Variants in ZNF804B observed in about 807,000 individuals in gnomAD.
ZNF804B encodes the protein zinc finger protein 804B.
In ZNF804B, 80 loss-of-function variants were observed where a neutral mutation model predicts 101.4. That is an observed-to-expected ratio of 0.79 (90% CI 0.66 to 0.95). The LOEUF is 0.95. Ranked by LOEUF, ZNF804B falls within the 40% of genes least tolerant of loss-of-function variation. The pLI is 0.00. For synonymous variants in ZNF804B, 622 were observed against 558.8 expected (o/e 1.11, Z -1.59); for missense variants, 1,673 against 1,561.9 (o/e 1.07, Z -1.20).
chr7:89,256,883 A>C (rs1789639321), intron 2 of ZNF804B, among the ~76,000 whole-genome samples: 1 of 152,202 alleles, frequency 6.6e-6, no homozygotes, highest in Admixed American at 6.5e-5. Context: ...CACTTTCATA[A>C]CATCTGGTGG....
intron 1 of ZNF804B, among the ~76,000 whole-genome samples, chr7:89,112,892 A>G (rs1411614334): frequency 6.6e-6 from 1 of 152,202 alleles, no homozygotes; most frequent in Non-Finnish European, 1.5e-5. Flanking sequence ...GATGTTAGAT[A>G]TTTAGAATTT....
intron 2 of ZNF804B, among the ~76,000 whole-genome samples, chr7:89,238,481 C>T (rs947438908): frequency 6.6e-6 from 1 of 152,078 alleles, no homozygotes; most frequent in Non-Finnish European, 1.5e-5. Flanking sequence ...ATATTACATC[C>T]CACTGCATTT....
intron 1 of ZNF804B, among the ~76,000 whole-genome samples, chr7:89,138,778 G>T (rs1790673816): frequency 6.6e-6 from 1 of 152,036 alleles, no homozygotes; most frequent in Admixed American, 6.6e-5. Flanking sequence ...AGATCTGATG[G>T]CTTTATAAGG....
At chr7:88,789,225 TAA>T (rs1191401624) in intron 1 of ZNF804B, among the ~76,000 whole-genome samples, 5 of 152,194 alleles carry the variant, frequency 3.3e-5, no homozygotes, top group African/African-American at 1.2e-4. Context: ...CCAGCTAATA[TAA>T]AATTTTTCTC....
chr7:88,870,384 C>CAAAAAAAAAA (rs1212123301), intron 1 of ZNF804B, among the ~76,000 whole-genome samples: 2 of 36,074 alleles, frequency 5.5e-5, no homozygotes, highest in Non-Finnish European at 1.1e-4. Context: ...AACTCCGTCT[C>CAAAAAAAAAA]AAAAAAAAAA....
At chr7:89,233,361 G>C (rs1789228486) in intron 2 of ZNF804B, among the ~76,000 whole-genome samples, 1 of 152,014 alleles carries the variant, frequency 6.6e-6, no homozygotes, top group Admixed American at 6.6e-5. Context: ...ACAGACATGT[G>C]GTTGTCTGAC....
chr7:89,285,580 A>T (rs2115883290), intron 2 of ZNF804B, among the ~76,000 whole-genome samples: 1 of 149,684 alleles, frequency 6.7e-6, no homozygotes, highest in East Asian at 1.9e-4. Flanking sequence ...GAAGAAGAAA[A>T]TAAAATGATT....
At chr7:89,256,571 T>C (rs1204198147) in intron 2 of ZNF804B, among the ~76,000 whole-genome samples, 1 of 150,476 alleles carries the variant, frequency 6.6e-6, no homozygotes, top group East Asian at 1.9e-4. Flanking sequence ...TAGTTATACA[T>C]TCAAATACTG....
At chr7:89,105,377 C>A (rs1172710157) in intron 1 of ZNF804B, among the ~76,000 whole-genome samples, 1 of 152,080 alleles carries the variant, frequency 6.6e-6, no homozygotes, top group Non-Finnish European at 1.5e-5. Context: ...TCTCTAAATT[C>A]CATGGATAGC....
intron 1 of ZNF804B, among the ~76,000 whole-genome samples, chr7:89,054,755 G>A (rs1789265562): frequency 2.0e-5 from 3 of 152,036 alleles, no homozygotes; most frequent in Admixed American, 2.0e-4. Flanking sequence ...GAGGTAGTCA[G>A]GTGGTTTACA....
At chr7:89,197,924 T>C (rs1788579614) in intron 1 of ZNF804B, among the ~76,000 whole-genome samples, 1 of 151,842 alleles carries the variant, frequency 6.6e-6, no homozygotes, top group African/African-American at 2.4e-5. Flanking sequence ...GCTTAGACAT[T>C]ACTAAAAGTT....
At chr7:88,887,540 A>C (rs371087947) in intron 1 of ZNF804B, among the ~76,000 whole-genome samples, 21 of 152,200 alleles carry the variant, frequency 1.4e-4, no homozygotes, top group African/African-American at 4.8e-4. Flanking sequence ...TCTTTTCCCT[A>C]TTCCTTGTTC....
intron 1 of ZNF804B, among the ~76,000 whole-genome samples, chr7:89,139,015 G>A (rs1000385596): frequency 6.6e-5 from 10 of 152,012 alleles, no homozygotes; most frequent in East Asian, 1.9e-4. Context: ...ATGTGTGCAC[G>A]TGCACGCATG....
intron 1 of ZNF804B, among the ~76,000 whole-genome samples, chr7:88,900,359 T>C (rs1189126289): frequency 6.6e-6 from 1 of 151,874 alleles, no homozygotes; most frequent in Admixed American, 6.6e-5. Flanking sequence ...CTATGGATAT[T>C]GCATTCCTAT....
intron 1 of ZNF804B, chr7:88,794,566 A>C: frequency 3.1e-6 from 5 of 1,613,684 alleles, no homozygotes; most frequent in Non-Finnish European, 4.2e-6. Context: ...CATTTGTTGA[A>C]TAAAAAATAC....
chr7:89,121,305 T>C (rs1790402698), intron 1 of ZNF804B, among the ~76,000 whole-genome samples: 1 of 152,232 alleles, frequency 6.6e-6, no homozygotes, highest in Admixed American at 6.5e-5. Context: ...TGGGAATAAA[T>C]ATATTCTATA....
intron 1 of ZNF804B, among the ~76,000 whole-genome samples, chr7:88,973,070 T>G (rs924212095): frequency 1.3e-5 from 2 of 151,300 alleles, no homozygotes; most frequent in African/African-American, 4.8e-5. Flanking sequence ...TGACTGAATA[T>G]TGAAGTAACT....
intron 1 of ZNF804B, among the ~76,000 whole-genome samples, chr7:88,902,508 G>A (rs1792407598): frequency 6.6e-6 from 1 of 151,986 alleles, no homozygotes; most frequent in Non-Finnish European, 1.5e-5. Context: ...GTGAGCATCA[G>A]TGAGTATATA....
intron 1 of ZNF804B, among the ~76,000 whole-genome samples, chr7:89,196,367 A>G (rs879629657): frequency 3.9e-5 from 6 of 152,170 alleles, no homozygotes; most frequent in Admixed American, 3.9e-4. Flanking sequence ...TGACAGTGAT[A>G]AGCAATAGGG....
Sources: allele counts gnomAD v4.1 joint callset (sites outside exome capture counted in the v4.1 genomes callset), GRCh38; gene constraint gnomAD v4.1.1; transcripts MANE v1.5; gene names NCBI Gene and HGNC (gene_info 2026-07-23, HGNC 2026-07-21).